The following DACH2 variants were observed in gnomAD, a reference collection of about 807,000 sequenced individuals.
The protein encoded by DACH2 is dachshund family transcription factor 2.
DACH2 carries 17 observed loss-of-function variants against 35.8 expected under a neutral mutation model. The observed-to-expected ratio is 0.48, with a 90% confidence interval of 0.33 to 0.71. The LOEUF (loss-of-function observed/expected upper bound fraction) is 0.71. DACH2 is among the 30% of genes least tolerant of loss of function. DACH2 has a pLI of 0.02. For synonymous variants in DACH2, 195 were observed against 177.3 expected, an observed-to-expected ratio of 1.10 and a Z score of -0.79; for missense variants, 469 against 472.7, an observed-to-expected ratio of 0.99 and a Z score of 0.07.
intron 1 of DACH2, among the ~76,000 whole-genome samples, chrX:86,216,064 G>A (rs994690693): frequency 1.8e-5 from 2 of 111,715 alleles, no homozygotes; most frequent in Admixed American, 1.9e-4. Context: ...CCAGCAATAA[G>A]ATGATTTTTT....
At chrX:86,320,072 AT>A (rs773338453) in intron 1 of DACH2, among the ~76,000 whole-genome samples, 1 of 111,069 alleles carries the variant, frequency 9.0e-6, no homozygotes, top group Non-Finnish European at 1.9e-5. Flanking sequence ...GAAAATAGAG[AT>A]TTTTTTTCCA....
rs183092775 is a variant in DACH2 at position 86,644,547 on chromosome X, C to A, written c.641-6489C>A. On this transcript the variant is annotated intron_variant, in intron 3 of 11. Transcript: ENST00000373125. ...TTCCTATCAAACTACCAACAACATT[C>A]TTCACAGAACTAGAAAAAAATAAAT... Among the ~76,000 whole-genome samples, 4 of 111,392 alleles carry A rather than the reference C, an allele frequency of 3.6e-5. No homozygotes were observed. The East Asian group carries it at 1.1e-3, about 31-fold the overall frequency.
chrX:86,773,942 C>A (rs1034845551), intron 7 of DACH2, among the ~76,000 whole-genome samples: 1 of 111,822 alleles, frequency 8.9e-6, no homozygotes, highest in Non-Finnish European at 1.9e-5. Context: ...TGGGTATGTA[C>A]CCAGTAGTGG....
At chrX:86,793,559 A>C (rs772546918) in intron 7 of DACH2, among the ~76,000 whole-genome samples, 4 of 111,988 alleles carry the variant, frequency 3.6e-5, no homozygotes, top group Non-Finnish European at 5.6e-5. Flanking sequence ...GACTGACTAG[A>C]AGGCAAAGTG....
intron 1 of DACH2, among the ~76,000 whole-genome samples, chrX:86,191,872 C>A (rs929967525): frequency 9.0e-6 from 1 of 111,122 alleles, no homozygotes; most frequent in African/African-American, 3.3e-5. Flanking sequence ...ACCCAAGAGG[C>A]GGAGGTTTCA....
At chrX:86,708,132 G>A (rs1289589729) in intron 5 of DACH2, among the ~76,000 whole-genome samples, 2 of 108,513 alleles carry the variant, frequency 1.8e-5, no homozygotes, top group Non-Finnish European at 3.8e-5. Flanking sequence ...GAAAAGAGGG[G>A]GACTGCCTCA....
intron 1 of DACH2, among the ~76,000 whole-genome samples, chrX:86,206,695 G>T (rs2032321730): frequency 9.0e-6 from 1 of 111,550 alleles, no homozygotes; most frequent in African/African-American, 3.3e-5. Flanking sequence ...ATCTGTAAAT[G>T]GGAAACATAA....
chrX:86,623,561 T>A (rs62592878), intron 3 of DACH2, among the ~76,000 whole-genome samples: 6,887 of 111,542 alleles, frequency 0.062, 191 homozygotes, highest in East Asian at 0.15. Flanking sequence ...ATATTAAAAG[T>A]TTTGAACTTT....
At chrX:86,776,418 A>G (rs912452850) in intron 7 of DACH2, among the ~76,000 whole-genome samples, 2 of 111,740 alleles carry the variant, frequency 1.8e-5, no homozygotes, top group African/African-American at 3.3e-5. Flanking sequence ...CGGCTTCAAC[A>G]TATGAATTTT....
At chrX:86,601,298 A>C (rs376238342) in intron 3 of DACH2, among the ~76,000 whole-genome samples, 6 of 112,163 alleles carry the variant, frequency 5.3e-5, no homozygotes, top group African/African-American at 1.9e-4. Context: ...AATATTAATA[A>C]AACAAATATA....
chrX:86,667,305 A>AGAAGGAAGGAAAGAAGGAAGGAAG lies in DACH2; in HGVS notation c.772+16149_772+16150insAGAAGGAAGGAAGGAAGGAAGGAA, dbSNP rs2040685108. On this transcript the variant is annotated intron_variant, in intron 4 of 11. Coordinates refer to ENST00000373125, the MANE Select transcript of DACH2 (RefSeq NM_053281.3). ...AGAGAGGAAGGAAGGAAGGAAGGAA[A>AGAAGGAAGGAAAGAAGGAAGGAAG]GAAGGAAGGAAGGAAGGAAGGAAGG... Among the ~76,000 whole-genome samples, 4 of 33,937 alleles carry AGAAGGAAGGAAAGAAGGAAGGAAG rather than the reference A, an allele frequency of 1.2e-4. No individual in the cohort carries two copies. The East Asian group carries it at 3.0e-3, about 26-fold the overall frequency. The allele number at this position is 33,937 out of a possible 115,157, so 29.5% of individuals were successfully genotyped here. A position where few individuals can be genotyped will look rare whatever the true frequency, so the allele number is the denominator to read the frequency against.
At chrX:86,182,422 A>T (rs185042253) in intron 1 of DACH2, among the ~76,000 whole-genome samples, 74 of 111,749 alleles carry the variant, frequency 6.6e-4, no homozygotes, top group Non-Finnish European at 2.4e-4. Flanking sequence ...AGTTTTCCCA[A>T]CACCATTTAT....
rs370152626 is a variant in DACH2, at chrX:86,401,436, T to C, written c.527+24574T>C. ...AGTGAGATGAACCCGGTACCTCAGT[T>C]GGAAATGCAGAAATCACCCGTCTTC... On this transcript the variant is annotated intron_variant, in intron 2 of 11. Coordinates refer to ENST00000373125, the MANE Select transcript of DACH2 (RefSeq NM_053281.3). Among the ~76,000 whole-genome samples, 40 of 111,759 alleles carry C rather than the reference T, an allele frequency of 3.6e-4. No homozygotes were observed. The East Asian group carries it at 1.0e-2, about 28-fold the overall frequency.
chrX:86,701,292 CT>C (rs1436116736), intron 5 of DACH2, among the ~76,000 whole-genome samples: 6 of 111,586 alleles, frequency 5.4e-5, no homozygotes, highest in Non-Finnish European at 1.9e-5. Flanking sequence ...GCACAAAAGG[CT>C]TTTGGTAAAA....
chrX:86,762,355 A>ATAAT (rs1251288016), intron 7 of DACH2, among the ~76,000 whole-genome samples: 1 of 111,476 alleles, frequency 9.0e-6, no homozygotes, highest in Non-Finnish European at 1.9e-5. Context: ...TAATTTTCAA[A>ATAAT]TAATTAGAGC....
chrX:86,316,389 G>A (rs980183791), intron 1 of DACH2, among the ~76,000 whole-genome samples: 20 of 110,967 alleles, frequency 1.8e-4, no homozygotes, highest in Admixed American at 6.7e-4. Flanking sequence ...TTCCGTGCCT[G>A]AGTTGTTTAT....
intron 7 of DACH2, among the ~76,000 whole-genome samples, chrX:86,795,034 A>T (rs2042221327): frequency 9.0e-6 from 1 of 111,021 alleles, no homozygotes; most frequent in African/African-American, 3.3e-5. Flanking sequence ...AGTAATTTCA[A>T]TGCCATGTTA....
intron 4 of DACH2, among the ~76,000 whole-genome samples, chrX:86,653,636 A>C (rs2040504051): frequency 9.2e-6 from 1 of 108,640 alleles, no homozygotes; most frequent in Non-Finnish European, 1.9e-5. Flanking sequence ...TTCGCTTATG[A>C]AGCTTAGTTT....
At chrX:86,251,895 T>G (rs2147952275) in intron 1 of DACH2, among the ~76,000 whole-genome samples, 1 of 111,875 alleles carries the variant, frequency 8.9e-6, no homozygotes, top group South Asian at 3.7e-4. Context: ...GTTCTACTTT[T>G]AGTTCTTTAA....
Sources: gnomAD v4.1 joint callset for allele counts (sites outside exome capture counted in the v4.1 genomes callset) on GRCh38, gnomAD v4.1.1 for gene constraint, MANE v1.5 for transcripts, NCBI Gene and HGNC (gene_info 2026-07-23, HGNC 2026-07-21) for gene names.